The following PTGER3 variants were observed in gnomAD, a reference collection of about 807,000 sequenced individuals.
PTGER3 encodes prostaglandin E2 receptor EP3 subtype.
In PTGER3, 22 loss-of-function variants were observed where a neutral mutation model predicts 34.7. The ratio of observed to expected loss-of-function variants is 0.63; its 90% CI spans 0.45 to 0.91. The LOEUF (loss-of-function observed/expected upper bound fraction) is 0.91. PTGER3 is among the 40% of genes least tolerant of loss of function. The pLI is 0.00. For missense variants in PTGER3, 468 were observed against 519.4 expected (o/e 0.90, Z 0.96); for synonymous variants, 241 against 230.1 (o/e 1.05, Z -0.43).
rs78429198 is a variant in PTGER3, at chr1:70,917,809, A to G, written c.*23+35954T>C. Reference sequence around the variant, plus strand: ...ATTTCCTGATAATTAGTAAAGTTGAATATTTTTACATACATCTGTCAGCCA... The same window carrying G: ...ATTTCCTGATAATTAGTAAAGTTGAGTATTTTTACATACATCTGTCAGCCA... On this transcript the variant is annotated intron_variant, in intron 4 of 4. Coordinates refer to the PTGER3 transcript ENST00000370931. Among the ~76,000 whole-genome samples, 587 of 152,076 alleles carry G rather than the reference A, an allele frequency of 3.9e-3. 6 individuals are homozygous for G. Among genetic ancestry groups the G allele is most frequent in the African/African-American group, 0.014 (568 of 41,532 alleles).
chr1:71,040,838 T>C (rs1660252097), intron 1 of PTGER3, among the ~76,000 whole-genome samples: 1 of 152,054 alleles, frequency 6.6e-6, no homozygotes, highest in Non-Finnish European at 1.5e-5. Flanking sequence ...AATCACGGCC[T>C]AGAGAGGATG....
intron 2 of PTGER3, among the ~76,000 whole-genome samples, chr1:70,959,928 A>G (rs938974376): frequency 6.6e-6 from 1 of 152,180 alleles, no homozygotes; most frequent in Non-Finnish European, 1.5e-5. Context: ...AAATAAGGTC[A>G]TTGTAGATAG....
chr1:70,977,231 G>T (rs947394525), intron 2 of PTGER3, among the ~76,000 whole-genome samples: 4 of 152,174 alleles, frequency 2.6e-5, no homozygotes, highest in South Asian at 4.1e-4. Flanking sequence ...GACACCAAAT[G>T]GAGACTCCAG....
At chr1:70,938,321 G>T (rs1649429902) in intron 4 of PTGER3, among the ~76,000 whole-genome samples, 1 of 151,970 alleles carries the variant, frequency 6.6e-6, no homozygotes, top group Admixed American at 6.6e-5. Flanking sequence ...TCAGTACAAT[G>T]AACTCAAATA....
chr1:70,908,463 A>C (rs74089140), intron 4 of PTGER3, among the ~76,000 whole-genome samples: 4,299 of 152,234 alleles, frequency 0.028, 229 homozygotes, highest in African/African-American at 0.099. Flanking sequence ...TGATGCTTGC[A>C]TCTGTACTGG....
intron 4 of PTGER3, among the ~76,000 whole-genome samples, chr1:70,863,203 T>C (rs1482683420): frequency 6.6e-6 from 1 of 151,998 alleles, no homozygotes; most frequent in African/African-American, 2.4e-5. Flanking sequence ...TGCTCTCCCA[T>C]GTTCGTCTTT....
chr1:71,016,817 T>C (rs1657948212), intron 1 of PTGER3, among the ~76,000 whole-genome samples: 1 of 147,376 alleles, frequency 6.8e-6, no homozygotes, highest in Admixed American at 6.8e-5. Flanking sequence ...AAAAAAAAAT[T>C]GTATGTATAT....
intron 4 of PTGER3, among the ~76,000 whole-genome samples, chr1:70,911,829 T>TA (rs1357733793): frequency 6.6e-6 from 1 of 152,200 alleles, no homozygotes; most frequent in East Asian, 1.9e-4. Flanking sequence ...CCCCAGATGA[T>TA]AAATGTTTAT....
At chr1:70,943,647 A>T (rs1209231813) in intron 4 of PTGER3, among the ~76,000 whole-genome samples, 1 of 152,118 alleles carries the variant, frequency 6.6e-6, no homozygotes, top group African/African-American at 2.4e-5. Flanking sequence ...TTGGTTGGAC[A>T]AGAGTGGTCA....
At chr1:70,974,211 G>T in intron 3 of PTGER3, 86 bp downstream of exon 3, 3 of 1,526,688 alleles carry the variant, frequency 2.0e-6, no homozygotes, top group Non-Finnish European at 2.6e-6. Flanking sequence ...TCTCAGAGAT[G>T]GTCTGCCTTT....
At chr1:70,957,906 G>T (rs1420519752) in intron 2 of PTGER3, among the ~76,000 whole-genome samples, 1 of 151,988 alleles carries the variant, frequency 6.6e-6, no homozygotes, top group East Asian at 1.9e-4. Flanking sequence ...AATGTTTTTA[G>T]ATTTCACATG....
intron 2 of PTGER3, among the ~76,000 whole-genome samples, chr1:70,989,032 T>TCCC (rs368083973): frequency 6.6e-6 from 1 of 151,436 alleles, no homozygotes; most frequent in East Asian, 1.9e-4. Context: ...TGCATGTAAT[T>TCCC]CCCCCCCCAA....
chr1:70,907,713 C>T (rs548692809), intron 4 of PTGER3, among the ~76,000 whole-genome samples: 1 of 152,234 alleles, frequency 6.6e-6, no homozygotes, highest in Non-Finnish European at 1.5e-5. Flanking sequence ...CCACATATTA[C>T]TTAACTTGTT....
At chr1:70,981,122 G>A (rs1654216102) in intron 2 of PTGER3, among the ~76,000 whole-genome samples, 1 of 151,994 alleles carries the variant, frequency 6.6e-6, no homozygotes, top group Admixed American at 6.6e-5. Context: ...GAAAATAACT[G>A]GGTCCAATAA....
Position 70,996,639 on chromosome 1 carries a change from T to TTTTTTAATTTA in PTGER3, c.1077+15665_1077+15666insTAAATTAAAAA, listed in dbSNP as rs774610328. ...CCATGCCCGGCTAATTTTTTTGTATTTTTATTTATTTATTTATTTATTTAT... is the reference window on the plus strand; with the variant it reads ...CCATGCCCGGCTAATTTTTTTGTATTTTTTTAATTTATTTATTTATTTATTTATTTATTTAT... On this transcript the variant is annotated intron_variant, in intron 2 of 3. Transcript: ENST00000306666. Among the ~76,000 whole-genome samples the TTTTTTAATTTA allele has an allele frequency of 1.3e-3, 159 of 122,748 alleles. 1 individual carries two copies. The highest frequency in any genetic ancestry group is 4.7e-3 in the African/African-American group (158 of 33,366). The allele number at this position is 122,748 out of a possible 152,430, so 80.5% of individuals were successfully genotyped here. A position where few individuals can be genotyped will look rare whatever the true frequency, so the allele number is the denominator to read the frequency against.
At chr1:70,938,564 C>T (rs1486611309) in intron 4 of PTGER3, among the ~76,000 whole-genome samples, 1 of 152,014 alleles carries the variant, frequency 6.6e-6, no homozygotes, top group East Asian at 1.9e-4. Context: ...TAAAGACATA[C>T]CTGAGACTGG....
intron 2 of PTGER3, among the ~76,000 whole-genome samples, chr1:71,002,842 G>A (rs1656612475): frequency 6.6e-6 from 1 of 152,170 alleles, no homozygotes; most frequent in African/African-American, 2.4e-5. Flanking sequence ...TCTAAAAACA[G>A]CTCCTCCTGG....
At chr1:70,925,579 T>C (rs1223319955) in intron 4 of PTGER3, among the ~76,000 whole-genome samples, 1 of 152,152 alleles carries the variant, frequency 6.6e-6, no homozygotes, top group Non-Finnish European at 1.5e-5. Context: ...TGGAATAAAA[T>C]TTAATTCTGC....
At chr1:71,015,242 A>G (rs575168116) in intron 1 of PTGER3, among the ~76,000 whole-genome samples, 2 of 152,230 alleles carry the variant, frequency 1.3e-5, no homozygotes, top group Admixed American at 1.3e-4. Context: ...ACATATTTGT[A>G]GTAGATAGAC....
Sources: gnomAD v4.1 joint callset for allele counts (sites outside exome capture counted in the v4.1 genomes callset) on GRCh38, gnomAD v4.1.1 for gene constraint, MANE v1.5 for transcripts, NCBI Gene and HGNC (gene_info 2026-07-23, HGNC 2026-07-21) for gene names.